ZDHHC14: variants seen among roughly 807,000 people sequenced by gnomAD.
ZDHHC14 encodes the protein palmitoyltransferase ZDHHC14.
In ZDHHC14, 16 loss-of-function variants were observed where a neutral mutation model predicts 47.7. The observed-to-expected ratio is 0.34, with a 90% CI of 0.23 to 0.51. ZDHHC14 has a LOEUF of 0.51. ZDHHC14 is among the 20% of genes least tolerant of loss of function. ZDHHC14 has a pLI of 0.97. For synonymous variants in ZDHHC14, 293 were observed against 278.9 expected (o/e 1.05, Z -0.50); for missense variants, 515 against 662.5 (o/e 0.78, Z 2.44).
intron 5 of ZDHHC14, among the ~76,000 whole-genome samples, chr6:157,638,829 G>A (rs1409944525): frequency 6.6e-6 from 1 of 151,784 alleles, no homozygotes; most frequent in Non-Finnish European, 1.5e-5. Flanking sequence ...GGGACATCAG[G>A]AGAGGCAGTG....
In ZDHHC14 at chr6:157,678,075, G is replaced by A. The variant is rs1458596784; in HGVS notation, c.*4953G>A. On this transcript the variant is annotated 3_prime_UTR_variant, in exon 9 of 9. Transcript: ENST00000359775. ...AAGTGCCTTTCATGTTTTAATCAAT[G>A]TTTGCAGAATTTATCTTAAACCTGA... 8 of 152,110 alleles carry A rather than the reference G, an allele frequency of 5.3e-5. No individual in the cohort carries two copies. Among genetic ancestry groups the A allele is most frequent in the African/African-American group, 1.7e-4 (7 of 41,420 alleles). The allele number at this position is 152,110 out of a possible 1,614,324, so 9.4% of individuals were successfully genotyped here.
rs371075541 is a variant in ZDHHC14, at chr6:157,601,867, G to T, written c.565+8721G>T. 1.7e-4 allele frequency among the ~76,000 whole-genome samples: 26 copies of T among 152,268 alleles called. No individual in the cohort carries two copies. In the East Asian group the frequency reaches 4.8e-3, roughly 28 times the overall value. On this transcript the variant is annotated intron_variant, in intron 3 of 8. Coordinates refer to ENST00000359775, the MANE Select transcript of ZDHHC14 (RefSeq NM_024630.3). ...GTGACCATTAAAATGCACCATTCTT[G>T]GTAGGCAGCGTCTTCATTCTGGCTG...
At chr6:157,412,296 T>G (rs982743542) in intron 1 of ZDHHC14, among the ~76,000 whole-genome samples, 1 of 146,484 alleles carries the variant, frequency 6.8e-6, no homozygotes, top group African/African-American at 2.5e-5. Context: ...TTGTTGTTGT[T>G]TGTTTGCTTG....
At chr6:157,398,791 C>G (rs1320198832) in intron 1 of ZDHHC14, among the ~76,000 whole-genome samples, 1 of 152,204 alleles carries the variant, frequency 6.6e-6, no homozygotes. Context: ...GAAAGGAATT[C>G]TGTCGTTATA....
chr6:157,480,997 T>A (rs141103773), intron 1 of ZDHHC14, among the ~76,000 whole-genome samples: 2,334 of 152,320 alleles, frequency 0.015, 31 homozygotes, highest in Non-Finnish European at 0.023. Context: ...AATCACCAAG[T>A]TGTCTAAGTA....
intron 1 of ZDHHC14, among the ~76,000 whole-genome samples, chr6:157,383,194 G>C (rs559866515): frequency 6.6e-6 from 1 of 152,240 alleles, no homozygotes; most frequent in East Asian, 1.9e-4. Flanking sequence ...AATCAATTTT[G>C]GTTGCTTTTT....
At chr6:157,607,371 C>T (rs896831101) in intron 3 of ZDHHC14, among the ~76,000 whole-genome samples, 12 of 152,184 alleles carry the variant, frequency 7.9e-5, no homozygotes, top group Admixed American at 2.0e-4. Context: ...TCAAGAATGC[C>T]GCATTTAAAG....
At chr6:157,513,818 G>A (rs138019539) in intron 1 of ZDHHC14, among the ~76,000 whole-genome samples, 2,412 of 152,166 alleles carry the variant, frequency 0.016, 70 homozygotes, top group African/African-American at 0.055. Context: ...CAGGCCTTCC[G>A]GACTCTGAAG....
chr6:157,627,763 T>G (rs1331615230), intron 3 of ZDHHC14, among the ~76,000 whole-genome samples: 1 of 152,246 alleles, frequency 6.6e-6, no homozygotes, highest in African/African-American at 2.4e-5. Context: ...TTTGCCCATC[T>G]GTAAAATAGG....
At chr6:157,665,511 C>T (rs1025428163) in intron 8 of ZDHHC14, among the ~76,000 whole-genome samples, 1 of 152,258 alleles carries the variant, frequency 6.6e-6, no homozygotes, top group Middle Eastern at 3.4e-3. Context: ...AAACTTTTGC[C>T]TGCCATCTTA....
At chr6:157,573,362 G>A (rs547001772) in intron 2 of ZDHHC14, among the ~76,000 whole-genome samples, 2 of 152,258 alleles carry the variant, frequency 1.3e-5, no homozygotes, top group East Asian at 3.9e-4. Context: ...TGTACCCAGT[G>A]GCAGGCCTTT....
intron 1 of ZDHHC14, among the ~76,000 whole-genome samples, chr6:157,434,218 T>TTATATATATATATATATATATATA (rs373321908): frequency 5.7e-4 from 83 of 146,536 alleles, no homozygotes; most frequent in African/African-American, 1.7e-3. Context: ...GCTTATAATT[T>TTATATATATATATATATATATATA]TATATATATA....
At chr6:157,467,906 C>G (rs570651405) in intron 1 of ZDHHC14, among the ~76,000 whole-genome samples, 1 of 151,980 alleles carries the variant, frequency 6.6e-6, no homozygotes, top group Non-Finnish European at 1.5e-5. Context: ...ATATATCGGT[C>G]GATGGATATT....
intron 1 of ZDHHC14, among the ~76,000 whole-genome samples, chr6:157,389,028 TATC>T (rs1777370984): frequency 1.3e-5 from 2 of 152,194 alleles, no homozygotes; most frequent in Admixed American, 1.3e-4. Context: ...ACAAATATGG[TATC>T]ATGTATCATG....
At chr6:157,622,216 CAA>C (rs35681787) in intron 3 of ZDHHC14, among the ~76,000 whole-genome samples, 1,138 of 93,836 alleles carry the variant, frequency 0.012, 13 homozygotes, top group African/African-American at 0.041. Flanking sequence ...ACTAAAAATA[CAA>C]AAAAAAAAAA....
At chr6:157,662,873 C>T (rs568403855) in intron 8 of ZDHHC14, among the ~76,000 whole-genome samples, 4 of 152,186 alleles carry the variant, frequency 2.6e-5, no homozygotes, top group Non-Finnish European at 5.9e-5. Flanking sequence ...GAAAAGAAAA[C>T]TGCAAAATCA....
intron 2 of ZDHHC14, among the ~76,000 whole-genome samples, chr6:157,562,306 T>C (rs1339775499): frequency 6.6e-6 from 1 of 152,004 alleles, no homozygotes; most frequent in East Asian, 1.9e-4. Flanking sequence ...CCAACTGGGG[T>C]TTAGCCGTGA....
At chr6:157,626,165 C>G (rs1010366149) in intron 3 of ZDHHC14, among the ~76,000 whole-genome samples, 3 of 152,088 alleles carry the variant, frequency 2.0e-5, no homozygotes, top group Admixed American at 1.3e-4. Context: ...CTCCCAGACC[C>G]TACATTCTTC....
At chr6:157,483,719 C>G (rs9355262) in intron 1 of ZDHHC14, among the ~76,000 whole-genome samples, 1 of 151,906 alleles carries the variant, frequency 6.6e-6, no homozygotes, top group African/African-American at 2.4e-5. Flanking sequence ...CCTTTGCATC[C>G]GTGGACCTTC....
Sources: allele counts gnomAD v4.1 joint callset (sites outside exome capture counted in the v4.1 genomes callset), GRCh38; gene constraint gnomAD v4.1.1; transcripts MANE v1.5; gene names NCBI Gene and HGNC (gene_info 2026-07-23, HGNC 2026-07-21).